Variants in PDE4D observed in about 807,000 individuals in gnomAD.
PDE4D encodes the protein phosphodiesterase 4D.
In PDE4D, 24 loss-of-function variants were observed where a neutral mutation model predicts 87.4. The observed-to-expected ratio is 0.27, with a 90% CI of 0.20 to 0.39. The LOEUF (loss-of-function observed/expected upper bound fraction) is 0.39. Among genes scored for constraint, PDE4D ranks in the 10% least tolerant of loss-of-function variants. PDE4D has a pLI of 1.00. For synonymous variants in PDE4D, 384 were observed against 383.2 expected (o/e 1.00, Z -0.02); for missense variants, 714 against 1,041.0 (o/e 0.69, Z 4.32).
chr5:59,284,420 G>A (rs1165544587), intron 1 of PDE4D, among the ~76,000 whole-genome samples: 5 of 152,090 alleles, frequency 3.3e-5, no homozygotes, highest in African/African-American at 1.2e-4. Flanking sequence ...GAATGATGAT[G>A]AGCATTTTTT....
intron 1 of PDE4D, among the ~76,000 whole-genome samples, chr5:59,632,785 G>C (rs1329308495): frequency 6.6e-6 from 1 of 152,176 alleles, no homozygotes; most frequent in Non-Finnish European, 1.5e-5. Context: ...GGAAAAACCA[G>C]TGCAAAAAGG....
intron 1 of PDE4D, among the ~76,000 whole-genome samples, chr5:60,443,015 C>G (rs1745364049): frequency 6.6e-6 from 1 of 151,908 alleles, no homozygotes; most frequent in Non-Finnish European, 1.5e-5. Flanking sequence ...CTCAGGACAT[C>G]AGAAAGAGGA....
chr5:59,135,499 A>C (rs1353041092), intron 5 of PDE4D, among the ~76,000 whole-genome samples: 1 of 152,138 alleles, frequency 6.6e-6, no homozygotes, highest in East Asian at 1.9e-4. Flanking sequence ...AGTAAATCTG[A>C]GCTTCTGAGG....
chr5:59,279,772 A>G (rs748129387), intron 1 of PDE4D, among the ~76,000 whole-genome samples: 1 of 151,538 alleles, frequency 6.6e-6, no homozygotes, highest in Non-Finnish European at 1.5e-5. Context: ...CTTGCTCTTC[A>G]TGATGTGTAT....
At chr5:60,394,266 C>T (rs373546571) in intron 1 of PDE4D, among the ~76,000 whole-genome samples, 8 of 152,128 alleles carry the variant, frequency 5.3e-5, no homozygotes, top group African/African-American at 1.7e-4. Flanking sequence ...ACAAGGTCAC[C>T]GTTAATGAAC....
chr5:59,048,768 C>T (rs1163599991), intron 5 of PDE4D, among the ~76,000 whole-genome samples: 3 of 152,166 alleles, frequency 2.0e-5, no homozygotes, highest in African/African-American at 7.2e-5. Context: ...CACTCCTACC[C>T]CTACCATATT....
At chr5:59,400,681 T>A (rs1266857350) in intron 1 of PDE4D, among the ~76,000 whole-genome samples, 1 of 151,596 alleles carries the variant, frequency 6.6e-6, no homozygotes, top group Admixed American at 6.6e-5. Context: ...CATGTATACG[T>A]ATGTAACTAA....
chr5:59,085,035 C>A (rs1580716294), intron 5 of PDE4D, among the ~76,000 whole-genome samples: 1 of 152,032 alleles, frequency 6.6e-6, no homozygotes, highest in East Asian at 1.9e-4. Flanking sequence ...TTGGGCAATT[C>A]TTTAGTTTGA....
At chr5:60,406,004 T>C (rs1741495175) in intron 1 of PDE4D, among the ~76,000 whole-genome samples, 1 of 151,390 alleles carries the variant, frequency 6.6e-6, no homozygotes. Context: ...CTCTGTGCAA[T>C]AGATCATCTT....
At chr5:59,729,619 TTGAG>T (rs1473711770) in intron 1 of PDE4D, among the ~76,000 whole-genome samples, 2 of 149,434 alleles carry the variant, frequency 1.3e-5, no homozygotes, top group African/African-American at 5.1e-5. Flanking sequence ...ATACAGTGAC[TTGAG>T]TATTTTTTTT....
At chr5:60,021,490 T>C (rs1423486551) in intron 2 of PDE4D, among the ~76,000 whole-genome samples, 1 of 152,226 alleles carries the variant, frequency 6.6e-6, no homozygotes, top group Non-Finnish European at 1.5e-5. Flanking sequence ...CAAAAGTGGA[T>C]GCAGAGTGCT....
intron 11 of PDE4D, 62 bp downstream of exon 11, chr5:58,988,431 C>T (rs2153335603): frequency 1.7e-6 from 1 of 601,472 alleles, no homozygotes; most frequent in East Asian, 3.1e-5. Context: ...TTTATAAAGA[C>T]CCTTAGTCAT....
intron 1 of PDE4D, among the ~76,000 whole-genome samples, chr5:59,305,116 G>T (rs1771063554): frequency 6.6e-6 from 1 of 151,986 alleles, no homozygotes; most frequent in Non-Finnish European, 1.5e-5. Context: ...CCTGATTTAA[G>T]CTAGGAGTGT....
intron 6 of PDE4D, among the ~76,000 whole-genome samples, chr5:59,026,666 G>C (rs1756311799): frequency 6.6e-6 from 1 of 152,020 alleles, no homozygotes; most frequent in Non-Finnish European, 1.5e-5. Context: ...ATCCAATTAG[G>C]AAAGCCTGAG....
chr5:60,023,451 T>C (rs1242507625), intron 2 of PDE4D, among the ~76,000 whole-genome samples: 1 of 152,192 alleles, frequency 6.6e-6, no homozygotes, highest in East Asian at 1.9e-4. Flanking sequence ...AATAATTTCC[T>C]AGACCTCAGC....
At chr5:59,142,752 C>T (rs1277986355) in intron 5 of PDE4D, among the ~76,000 whole-genome samples, 2 of 152,146 alleles carry the variant, frequency 1.3e-5, no homozygotes, top group African/African-American at 4.8e-5. Flanking sequence ...CCCATCTCTA[C>T]TAAAAATACA....
At chr5:59,674,231 A>G (rs1747691878) in intron 1 of PDE4D, among the ~76,000 whole-genome samples, 1 of 152,316 alleles carries the variant, frequency 6.6e-6, no homozygotes, top group East Asian at 1.9e-4. Flanking sequence ...ACAGATATCA[A>G]TAGGATAAGA....
intron 2 of PDE4D, among the ~76,000 whole-genome samples, chr5:60,150,780 T>C (rs1317111297): frequency 6.6e-6 from 1 of 152,128 alleles, no homozygotes; most frequent in Non-Finnish European, 1.5e-5. Context: ...CCCACTTCCC[T>C]GAAAGTATGG....
intron 1 of PDE4D, among the ~76,000 whole-genome samples, chr5:59,483,466 G>C (rs1804597983): frequency 6.6e-6 from 1 of 151,958 alleles, no homozygotes; most frequent in African/African-American, 2.4e-5. Flanking sequence ...CAGTTCCAAG[G>C]ACCTGCCCAG....
Sources: gnomAD v4.1 joint callset for allele counts (sites outside exome capture counted in the v4.1 genomes callset) on GRCh38, gnomAD v4.1.1 for gene constraint, MANE v1.5 for transcripts, NCBI Gene and HGNC (gene_info 2026-07-23, HGNC 2026-07-21) for gene names.